ZKSCAN8: variants seen among roughly 807,000 people sequenced by gnomAD.
ZKSCAN8 encodes the protein zinc finger protein with KRAB and SCAN domains 8.
ZKSCAN8 carries 27 observed loss-of-function variants against 57.2 expected under a neutral mutation model. The observed-to-expected ratio is 0.47, with a 90% CI of 0.35 to 0.65. The LOEUF is 0.65. Ranked by LOEUF, ZKSCAN8 falls within the 30% of genes least tolerant of loss-of-function variation. The pLI is 0.01. For missense variants in ZKSCAN8, 597 were observed against 696.3 expected (o/e 0.86, Z 1.60); for synonymous variants, 214 against 248.7 (o/e 0.86, Z 1.31).
rs1765304736 is a variant in ZKSCAN8 at position 28,144,007 on chromosome 6, C to G, written c.-93+1978C>G. ...CTCACTATTCTAGCAAATTCCTCCA[C>G]TTTCCTGTAAAGTCATAATCAATGA... On this transcript the variant is annotated intron_variant, in intron 1 of 5. Coordinates refer to ENST00000330236, the MANE Select transcript of ZKSCAN8 (RefSeq NM_006298.4). The surrounding 1 kb of genome is among the most constrained non-coding windows in gnomAD (Gnocchi z 4.5). 6.6e-6 allele frequency among the ~76,000 whole-genome samples: 1 copy of G among 152,198 alleles called. No homozygotes were observed. Among genetic ancestry groups the G allele is most frequent in the Non-Finnish European group, 1.5e-5 (1 of 68,034 alleles).
chr6:28,152,184 G>A (rs1014900574), intron 4 of ZKSCAN8, 77 bp from the exon 5 acceptor site: 3 of 1,535,856 alleles, frequency 2.0e-6, no homozygotes, highest in Admixed American at 4.3e-5. Flanking sequence ...TCCCAATACT[G>A]GTGGATCTCT....
At position 28,159,261 on chromosome 6, in the gene ZKSCAN8, A is replaced by G. The variant is rs937696207; in HGVS notation, c.*5244A>G. 1 of 152,166 alleles carries G rather than the reference A, an allele frequency of 6.6e-6. No homozygotes were observed. Among genetic ancestry groups the G allele is most frequent in the African/African-American group, 2.4e-5 (1 of 41,428 alleles). 9.4% of individuals were successfully genotyped at this position (152,166 alleles called of 1,614,324 possible). On this transcript the variant is annotated 3_prime_UTR_variant, in exon 6 of 6. Transcript: ENST00000330236. The stretch of plus-strand genomic sequence containing the variant: ...ATCTTTTGAGTTTGTACTGTGGTCC[A>G]TGTACTTACTAATATGTTGCTTTGT...
At position 28,153,196 on chromosome 6, in the gene ZKSCAN8, C is replaced by T. The variant is rs749096234; in HGVS notation, c.916C>T (p.Leu306=). The change falls in exon 6 of 6, where the codon CTG becomes TTG. Residue 306 remains leucine, a synonymous_variant. Transcript: ENST00000330236. ...GLEHEEARDL[L]GRLERQRGNP... ...TGAGCATGAAGAAGCCCGAGACCTT[C>T]TGGGCAGATTAGAGAGGCAGCGGGG... The T allele has an allele frequency of 3.5e-5, 56 of 1,614,022 alleles. No homozygotes were observed. In the Middle Eastern group the frequency reaches 6.6e-4, roughly 19 times the overall value.
At position 28,157,929 on chromosome 6, in the gene ZKSCAN8, T is replaced by A. The variant is rs749127563; in HGVS notation, c.*3912T>A. 1 of 152,214 alleles carries A rather than the reference T, an allele frequency of 6.6e-6. No homozygotes were observed. The highest frequency in any genetic ancestry group is 1.5e-5 in the Non-Finnish European group (1 of 68,030). 9.4% of individuals were successfully genotyped at this position (152,214 alleles called of 1,614,324 possible). A position where few individuals can be genotyped will look rare whatever the true frequency, so the allele number is the denominator to read the frequency against. On this transcript the variant is annotated 3_prime_UTR_variant, in exon 6 of 6. Transcript: ENST00000330236. Reference sequence around the variant, plus strand: ...CATAAAATGTGAAATGCTTTCATCCTCATTGCCCATTTCCAACTACCATTC... The same window carrying A: ...CATAAAATGTGAAATGCTTTCATCCACATTGCCCATTTCCAACTACCATTC...
chr6:28,153,400 A>C lies in ZKSCAN8; in HGVS notation c.1120A>C (p.Lys374Gln), dbSNP rs528247438. ...TCTTTCACATCAGGATATCCACAAC[A>C]AAGTAAAACGCTATCACTGTAAGGA... ...ALLSHQDIHN[K>Q]VKRYHCKECG... is the part of the protein sequence containing the mutation. Residue 374 changes from lysine to glutamine, a missense_variant, in exon 6 of 6, where the codon AAA (lysine) becomes CAA (glutamine). By Grantham distance (53) the Lys-to-Gln change is moderately conservative (BLOSUM62 1). Transcript: ENST00000330236. The C allele has an allele frequency of 3.7e-6, 6 of 1,613,800 alleles. No homozygotes were observed. Among genetic ancestry groups the C allele is most frequent in the Non-Finnish European group, 4.2e-6 (5 of 1,179,986 alleles).
chr6:28,145,035 C>T (rs1344409369), intron 1 of ZKSCAN8, among the ~76,000 whole-genome samples: 3 of 151,694 alleles, frequency 2.0e-5, no homozygotes, highest in Non-Finnish European at 4.4e-5. Context: ...CCAGCCTGGG[C>T]GACAGAGCAA....
rs1346690768 is a variant in ZKSCAN8, at chr6:28,148,584, C to T, written c.177C>T (p.Tyr59=). 2.5e-6 allele frequency: 4 copies of T among 1,613,984 alleles called. No homozygotes were observed. In the African/African-American group the frequency reaches 5.3e-5, roughly 22 times the overall value. Residue 59 remains tyrosine (Y), a synonymous_variant, in exon 2 of 6, where the codon TAC becomes TAT. Transcript: ENST00000330236. The part of the protein sequence containing the change: ...VFRLRFRQLR[Y]QETLGPREAL... Reference sequence around the variant, plus strand: ...GCCTGCGCTTCAGGCAGTTACGCTACCAGGAGACACTAGGACCCCGAGAAG... The same window carrying T: ...GCCTGCGCTTCAGGCAGTTACGCTATCAGGAGACACTAGGACCCCGAGAAG...
chr6:28,145,980 A>G (rs951094992), intron 1 of ZKSCAN8, among the ~76,000 whole-genome samples: 1 of 152,230 alleles, frequency 6.6e-6, no homozygotes, highest in Non-Finnish European at 1.5e-5. Flanking sequence ...ACAGTAGGCA[A>G]TATTGTGGAA....
In ZKSCAN8 at chr6:28,144,006, A is replaced by G. The variant is rs770644158; in HGVS notation, c.-93+1977A>G. On this transcript the variant is annotated intron_variant, in intron 1 of 5. Transcript: ENST00000330236. This position sits in a 1 kb window ranked among gnomAD's most constrained non-coding sequence, Gnocchi z 4.5. ...TCTCACTATTCTAGCAAATTCCTCCACTTTCCTGTAAAGTCATAATCAATG... is the reference window on the plus strand; with the variant it reads ...TCTCACTATTCTAGCAAATTCCTCCGCTTTCCTGTAAAGTCATAATCAATG... Among the ~76,000 whole-genome samples the G allele has an allele frequency of 9.2e-5, 14 of 152,074 alleles. No homozygotes were observed. Among genetic ancestry groups the G allele is most frequent in the Non-Finnish European group, 2.1e-4 (14 of 68,016 alleles).
intron 1 of ZKSCAN8, among the ~76,000 whole-genome samples, chr6:28,146,000 G>GAA (rs1347238713): frequency 6.6e-6 from 1 of 152,152 alleles, no homozygotes; most frequent in African/African-American, 2.4e-5. Flanking sequence ...ACATGAATGG[G>GAA]AAAAAAGCAT....
intron 4 of ZKSCAN8, 33 bp downstream of exon 4, chr6:28,151,969 A>G (rs1298590239): frequency 3.1e-6 from 5 of 1,603,224 alleles, no homozygotes; most frequent in Non-Finnish European, 4.3e-6. Flanking sequence ...GAAACGCCAT[A>G]GCTGTGCTTG....
chr6:28,155,909 G>A lies in ZKSCAN8; in HGVS notation c.*1892G>A, dbSNP rs116111281. Reference sequence around the variant, plus strand: ...CATGTTGGTTTCCAACAGTCCTTTCGATTATCCTTTATTTTCTTATCCTCC... The same window carrying A: ...CATGTTGGTTTCCAACAGTCCTTTCAATTATCCTTTATTTTCTTATCCTCC... On this transcript the variant is annotated 3_prime_UTR_variant, in exon 6 of 6. Coordinates refer to ENST00000330236, the MANE Select transcript of ZKSCAN8 (RefSeq NM_006298.4). The A allele has an allele frequency of 3.1e-3, 1,172 of 372,268 alleles. 15 individuals carry two copies. The highest frequency in any genetic ancestry group is 0.021 in the African/African-American group (1,011 of 48,136). The allele number at this position is 372,268 out of a possible 1,614,324, so 23.1% of individuals were successfully genotyped here. A position where few individuals can be genotyped will look rare whatever the true frequency, so the allele number is the denominator to read the frequency against.
rs146747510 is a variant in ZKSCAN8 at position 28,151,831 on chromosome 6, C to T, written c.560-14C>T. The T allele has an allele frequency of 2.0e-4, 323 of 1,611,350 alleles. 3 individuals carry two copies. In the East Asian group the frequency reaches 5.0e-3, roughly 25 times the overall value. On this transcript the variant is annotated splice_polypyrimidine_tract_variant and intron_variant, in intron 3 of 5. Transcript: ENST00000330236. The stretch of plus-strand genomic sequence containing the variant: ...ACAGGACTGGTCTCATTCATAGCTC[C>T]TTTCTCCTCTCAGCCATGTCTACTT...
intron 1 of ZKSCAN8, 140 bp from the exon 2 acceptor site, chr6:28,148,176 T>G: frequency 2.4e-6 from 1 of 422,982 alleles, no homozygotes; most frequent in Non-Finnish European, 4.2e-6. Flanking sequence ...AAGTAAGAAG[T>G]TATTTCTGGA....
intron 1 of ZKSCAN8, among the ~76,000 whole-genome samples, chr6:28,147,372 TAAAAA>T (rs1454745650): frequency 6.6e-6 from 1 of 152,064 alleles, no homozygotes; most frequent in African/African-American, 2.4e-5. Context: ...TATCTAAAAT[TAAAAA>T]CAAAAACAAT....
Position 28,141,906 on chromosome 6 carries a change from G to A in ZKSCAN8, c.-216G>A, listed in dbSNP as rs1207412211. The A allele has an allele frequency of 6.6e-6, 1 of 152,664 alleles. No individual in the cohort carries two copies. Among genetic ancestry groups the A allele is most frequent in the African/African-American group, 2.4e-5 (1 of 41,482 alleles). 9.5% of individuals were successfully genotyped at this position (152,664 alleles called of 1,614,324 possible). ...GTGTTGTGCCTCCGCAGATTTAGAA[G>A]TTAGTGGCCGGAGGGGCCTGGTCCG... On this transcript the variant is annotated 5_prime_UTR_variant, in exon 1 of 6. Coordinates refer to ENST00000330236, the MANE Select transcript of ZKSCAN8 (RefSeq NM_006298.4).
rs376655976 is a variant in ZKSCAN8 at position 28,149,603 on chromosome 6, C to T, written c.538C>T (p.Pro180Ser). ...GGCAACCCAACATAAATCTCCAGTG[C>T]CCCAAGAGTCACAAGAGAGAGGTGA... ...SEATQHKSPVPQESQERAMST... is the reference protein window; with the variant it reads ...SEATQHKSPVSQESQERAMST... Residue 180 changes from proline to serine, a missense_variant, in exon 3 of 6, where the codon CCC (proline) becomes TCC (serine). Pro to Ser is a moderately conservative substitution (Grantham distance 74, BLOSUM62 -1). Transcript: ENST00000330236. 1,072 of 1,613,894 alleles carry T rather than the reference C, an allele frequency of 6.6e-4. 10 individuals are homozygous for T. In the South Asian group the frequency reaches 0.01, roughly 16 times the overall value.
rs1765337447 is a variant in ZKSCAN8 at position 28,144,854 on chromosome 6, G to A, written c.-93+2825G>A. 1.3e-5 allele frequency among the ~76,000 whole-genome samples: 2 copies of A among 152,054 alleles called. No individual in the cohort carries two copies. The highest frequency in any genetic ancestry group is 2.1e-4 in the South Asian group (1 of 4,828). On this transcript the variant is annotated intron_variant, in intron 1 of 5. Transcript: ENST00000330236. This position sits in a 1 kb window ranked among gnomAD's most constrained non-coding sequence, Gnocchi z 4.5. ...GGGCAGATCACGAGGTCAGGAGATC[G>A]AGACCATCCTGGCTAACACAGTGAA...
Position 28,153,207 on chromosome 6 carries a change from A to G in ZKSCAN8, c.927A>G (p.Leu309=). 1 of 1,614,204 alleles carries G rather than the reference A, an allele frequency of 6.2e-7. No individual in the cohort carries two copies. The highest frequency in any genetic ancestry group is 8.5e-7 in the Non-Finnish European group (1 of 1,180,020). The part of the protein sequence containing the change: ...HEEARDLLGR[L]ERQRGNPTQE... ...AAGCCCGAGACCTTCTGGGCAGATT[A>G]GAGAGGCAGCGGGGAAATCCCACAC... The change falls in exon 6 of 6, where the codon TTA becomes TTG. Residue 309 remains leucine, a synonymous_variant. Coordinates refer to ENST00000330236, the MANE Select transcript of ZKSCAN8 (RefSeq NM_006298.4).
Sources: allele counts gnomAD v4.1 joint callset (sites outside exome capture counted in the v4.1 genomes callset), GRCh38; gene constraint gnomAD v4.1.1; non-coding constraint Gnocchi (gnomAD v3.1); transcripts MANE v1.5; gene names NCBI Gene and HGNC (gene_info 2026-07-23, HGNC 2026-07-21).